The following CDH4 variants were observed in gnomAD, a reference collection of about 807,000 sequenced individuals.
CDH4 encodes the protein cadherin 4, also known as cadherin-4.
In CDH4, 33 loss-of-function variants were observed where a neutral mutation model predicts 86.0. The ratio of observed to expected loss-of-function variants is 0.38; its 90% CI spans 0.29 to 0.51. The LOEUF (loss-of-function observed/expected upper bound fraction) is 0.51. CDH4 is among the 20% of genes least tolerant of loss of function. CDH4 has a pLI of 0.86. For synonymous variants in CDH4, 555 were observed against 549.4 expected (o/e 1.01, Z -0.14); for missense variants, 1,114 against 1,307.4 (o/e 0.85, Z 2.28).
At chr20:61,526,083 C>T (rs982132573) in intron 2 of CDH4, among the ~76,000 whole-genome samples, 2 of 152,170 alleles carry the variant, frequency 1.3e-5, no homozygotes, top group Admixed American at 6.5e-5. Context: ...GTAATGACAA[C>T]GTGGCTAGTA....
chr20:61,457,267 G>A lies in CDH4; in HGVS notation c.169+202330G>A, dbSNP rs192779433. The stretch of plus-strand genomic sequence containing the variant: ...ACCAACATCCCCAGTCACTTTCTCT[G>A]CCCACCTCTACTGTCTCTGTCACTC... On this transcript the variant is annotated intron_variant, in intron 2 of 15. Coordinates refer to ENST00000614565, the MANE Select transcript of CDH4 (RefSeq NM_001794.5). Among the ~76,000 whole-genome samples the A allele has an allele frequency of 1.4e-4, 21 of 152,204 alleles. No homozygotes were observed. In the East Asian group the frequency reaches 2.1e-3, roughly 15 times the overall value.
chr20:61,646,120 A>C (rs756645409), intron 2 of CDH4, among the ~76,000 whole-genome samples: 1 of 152,128 alleles, frequency 6.6e-6, no homozygotes, highest in Non-Finnish European at 1.5e-5. Context: ...CAGGCTTGGA[A>C]TCATACCCCT....
At chr20:61,506,272 C>T (rs768527802) in intron 2 of CDH4, among the ~76,000 whole-genome samples, 7 of 152,220 alleles carry the variant, frequency 4.6e-5, no homozygotes, top group African/African-American at 7.2e-5. Context: ...CTAGACAATT[C>T]TCTGTCCTCA....
chr20:61,797,140 G>A (rs573865773), intron 4 of CDH4, among the ~76,000 whole-genome samples: 22 of 151,600 alleles, frequency 1.5e-4, no homozygotes, highest in African/African-American at 4.6e-4. Context: ...TCCTCTCCCC[G>A]AGCATTGGAA....
intron 2 of CDH4, among the ~76,000 whole-genome samples, chr20:61,625,530 A>C (rs564015463): frequency 6.6e-6 from 1 of 152,334 alleles, no homozygotes; most frequent in African/African-American, 2.4e-5. Flanking sequence ...AATAACGATC[A>C]TCTGCTTATC....
intron 2 of CDH4, among the ~76,000 whole-genome samples, chr20:61,326,452 A>G (rs1382210947): frequency 6.6e-6 from 1 of 152,268 alleles, no homozygotes; most frequent in Non-Finnish European, 1.5e-5. Context: ...CCAGAGGAGG[A>G]TATGACATTT....
At chr20:61,358,751 C>T (rs773425879) in intron 2 of CDH4, among the ~76,000 whole-genome samples, 2 of 152,172 alleles carry the variant, frequency 1.3e-5, no homozygotes, top group African/African-American at 2.4e-5. Context: ...ACAGTGATCC[C>T]GGCCAGGGTC....
At chr20:61,756,768 G>A (rs1464257385) in intron 3 of CDH4, among the ~76,000 whole-genome samples, 1 of 152,116 alleles carries the variant, frequency 6.6e-6, no homozygotes, top group Non-Finnish European at 1.5e-5. Context: ...CTGAGCATTT[G>A]AGAACTTTAA....
At chr20:61,870,020 A>G (rs929715568) in intron 6 of CDH4, among the ~76,000 whole-genome samples, 1 of 152,138 alleles carries the variant, frequency 6.6e-6, no homozygotes, top group Admixed American at 6.5e-5. Flanking sequence ...TTTCTCAGTG[A>G]TATGGTGGAT....
chr20:61,924,496 G>A lies in CDH4; in HGVS notation c.1771+20G>A, dbSNP rs373900583. On this transcript the variant is annotated intron_variant, in intron 11 of 15. Coordinates refer to ENST00000614565, the MANE Select transcript of CDH4 (RefSeq NM_001794.5). ...ACAATGGTGCGGCCCACCCCAGGGA[G>A]GCAGCCGTCTCGGTGGCCTTCCCGT... 6.2e-7 allele frequency: 1 copy of A among 1,607,564 alleles called. No homozygotes were observed. Among genetic ancestry groups the A allele is most frequent in the African/African-American group, 1.3e-5 (1 of 74,766 alleles).
At chr20:61,395,119 G>A (rs1013373489) in intron 2 of CDH4, among the ~76,000 whole-genome samples, 1 of 151,532 alleles carries the variant, frequency 6.6e-6, no homozygotes, top group Non-Finnish European at 1.5e-5. Context: ...TCCCAGGGGG[G>A]AGATGCACCT....
chr20:61,413,703 C>T (rs1029989576), intron 2 of CDH4, among the ~76,000 whole-genome samples: 1 of 152,190 alleles, frequency 6.6e-6, no homozygotes, highest in Non-Finnish European at 1.5e-5. Flanking sequence ...ATGGAGTCCC[C>T]TCCTGCCAGA....
intron 2 of CDH4, among the ~76,000 whole-genome samples, chr20:61,578,048 C>T (rs2086397190): frequency 6.6e-6 from 1 of 152,194 alleles, no homozygotes; most frequent in African/African-American, 2.4e-5. Context: ...GAAACCTCTG[C>T]CCCTCCTTGG....
chr20:61,731,992 C>T (rs1200606671), intron 2 of CDH4, among the ~76,000 whole-genome samples: 3 of 152,104 alleles, frequency 2.0e-5, no homozygotes, highest in Non-Finnish European at 4.4e-5. Flanking sequence ...CCTGAGCCAG[C>T]GCCACCACCT....
intron 2 of CDH4, among the ~76,000 whole-genome samples, chr20:61,581,162 T>A (rs1005482970): frequency 2.0e-5 from 3 of 152,152 alleles, no homozygotes; most frequent in Non-Finnish European, 2.9e-5. Context: ...GGCAGCAGGC[T>A]CACCCAGGCA....
At chr20:61,473,632 G>A (rs1215744338) in intron 2 of CDH4, among the ~76,000 whole-genome samples, 1 of 152,156 alleles carries the variant, frequency 6.6e-6, no homozygotes, top group African/African-American at 2.4e-5. Context: ...TGGGTTCTGT[G>A]ATCTTGTAAT....
At chr20:61,446,605 G>T (rs534189476) in intron 2 of CDH4, among the ~76,000 whole-genome samples, 1 of 151,680 alleles carries the variant, frequency 6.6e-6, no homozygotes, top group African/African-American at 2.4e-5. Flanking sequence ...GCTGTAAAGC[G>T]AATTCTTGTG....
intron 2 of CDH4, among the ~76,000 whole-genome samples, chr20:61,446,800 G>C (rs1335679569): frequency 1.3e-5 from 2 of 152,144 alleles, no homozygotes; most frequent in Non-Finnish European, 2.9e-5. Flanking sequence ...GTATGTGTTG[G>C]GGTGGAGAGT....
chr20:61,663,145 A>G lies in CDH4; in HGVS notation c.170-80418A>G, dbSNP rs561603824. On this transcript the variant is annotated intron_variant, in intron 2 of 15. Coordinates refer to ENST00000614565, the MANE Select transcript of CDH4 (RefSeq NM_001794.5). This position sits in a 1 kb window ranked among gnomAD's most constrained non-coding sequence, Gnocchi z 5.0. Reference sequence around the variant, plus strand: ...AAAATATTGACTGGAGGAGAAATGGAAATGAGGCTACTGGGCCTGCAGCTC... The same window carrying G: ...AAAATATTGACTGGAGGAGAAATGGGAATGAGGCTACTGGGCCTGCAGCTC... 3.9e-5 allele frequency among the ~76,000 whole-genome samples: 6 copies of G among 152,344 alleles called. No individual in the cohort carries two copies. Among genetic ancestry groups the G allele is most frequent in the Admixed American group, 3.9e-4 (6 of 15,310 alleles).
Sources: gnomAD v4.1 joint callset for allele counts (sites outside exome capture counted in the v4.1 genomes callset) on GRCh38, gnomAD v4.1.1 for gene constraint, Gnocchi (gnomAD v3.1) non-coding constraint, MANE v1.5 for transcripts, NCBI Gene and HGNC (gene_info 2026-07-23, HGNC 2026-07-21) for gene names.